LONRF2: variants seen among roughly 807,000 people sequenced by gnomAD.
LONRF2 encodes the protein LON peptidase N-terminal domain and ring finger 2.
LONRF2 carries 35 observed loss-of-function variants against 66.6 expected under a neutral mutation model. That is an observed-to-expected ratio of 0.53 (90% CI 0.40 to 0.70). The LOEUF is 0.70. Among genes scored for constraint, LONRF2 ranks in the 30% least tolerant of loss-of-function variants. LONRF2 has a pLI of 0.00. For synonymous variants in LONRF2, 417 were observed against 418.1 expected (o/e 1.00, Z 0.03); for missense variants, 902 against 1,002.1 (o/e 0.90, Z 1.35).
At chr2:100,295,647 G>A in intron 7 of LONRF2, 94 bp from the exon 8 acceptor site, 1 of 1,291,304 alleles carries the variant, frequency 7.7e-7, no homozygotes, top group Non-Finnish European at 1.1e-6. Flanking sequence ...GTGGTGGGTG[G>A]GATCTCTGAG....
intron 1 of LONRF2, among the ~76,000 whole-genome samples, chr2:100,311,596 A>G (rs1179851970): frequency 6.6e-6 from 1 of 152,142 alleles, no homozygotes; most frequent in African/African-American, 2.4e-5. Flanking sequence ...ATGCTCTCAT[A>G]TTGCAATAAT....
chr2:100,303,654 A>G (rs2105728172), intron 2 of LONRF2, among the ~76,000 whole-genome samples: 1 of 152,294 alleles, frequency 6.6e-6, no homozygotes, highest in East Asian at 1.9e-4. Context: ...CAGCTTCCAC[A>G]GTTTCAGATG....
rs545513696 is a variant in LONRF2 at position 100,275,272 on chromosome 2, T to A, written c.*9026A>T. 1 of 152,402 alleles carries A rather than the reference T, an allele frequency of 6.6e-6. No individual in the cohort carries two copies. The highest frequency in any genetic ancestry group is 2.4e-5 in the African/African-American group (1 of 41,554). The allele number at this position is 152,402 out of a possible 1,614,324, so 9.4% of individuals were successfully genotyped here. On this transcript the variant is annotated 3_prime_UTR_variant, in exon 12 of 12. Transcript: ENST00000393437. ...ATTCCCTACCTGGACATACCTACTT[T>A]CTTGGCTGGTGGTCTCAGGGCAATG...
In LONRF2 at chr2:100,309,174, A is replaced by G. The variant is rs1381521886; in HGVS notation, c.731T>C (p.Met244Thr). The G allele has an allele frequency of 6.2e-7, 1 of 1,609,698 alleles. No individual in the cohort carries two copies. The highest frequency in any genetic ancestry group is 2.2e-5 in the East Asian group (1 of 44,702). ...TTGGAGAGCTTGCTCATAGTTCTTCATGGTCAAATATAACTCCGCCCGCAG... is the reference window on the plus strand; with the variant it reads ...TTGGAGAGCTTGCTCATAGTTCTTCGTGGTCAAATATAACTCCGCCCGCAG... ...LLLRAELYLT[M>T]KNYEQALQDA... The change falls in exon 2 of 12, where the codon ATG becomes ACG. Residue 244 changes from methionine to threonine, a missense_variant. Physicochemically the swap from Met to Thr is moderately conservative, Grantham distance 81. This residue lies in a region of LONRF2 where 585 missense variants were observed against 569.9 expected (regional missense o/e 1.03). Transcript: ENST00000393437.
intron 7 of LONRF2, among the ~76,000 whole-genome samples, chr2:100,297,323 G>A (rs1185571126): frequency 6.6e-6 from 1 of 151,318 alleles, no homozygotes; most frequent in Non-Finnish European, 1.5e-5. Context: ...TTTTTTAGTA[G>A]AGACGGGGTT....
intron 8 of LONRF2, among the ~76,000 whole-genome samples, chr2:100,294,809 A>G (rs927622068): frequency 6.6e-6 from 1 of 152,178 alleles, no homozygotes; most frequent in Non-Finnish European, 1.5e-5. Context: ...GTGATTCGCA[A>G]TCCTGGGTAT....
intron 9 of LONRF2, among the ~76,000 whole-genome samples, chr2:100,293,323 A>C (rs1674999983): frequency 6.6e-6 from 1 of 152,216 alleles, no homozygotes; most frequent in African/African-American, 2.4e-5. Context: ...TTTTAAAAAG[A>C]TCTGTCCCTA....
At chr2:100,285,190 C>T (rs895636815) in intron 11 of LONRF2, among the ~76,000 whole-genome samples, 2 of 152,088 alleles carry the variant, frequency 1.3e-5, no homozygotes, top group African/African-American at 4.8e-5. Flanking sequence ...CAAAAATGTG[C>T]AGGATGCCGA....
At chr2:100,288,566 C>T (rs141238747) in intron 10 of LONRF2, among the ~76,000 whole-genome samples, 732 of 152,316 alleles carry the variant, frequency 4.8e-3, no homozygotes, top group Non-Finnish European at 7.7e-3. Context: ...ACCAGTCTGA[C>T]CATCACCCAA....
Position 100,321,480 on chromosome 2 carries a change from C to A in LONRF2, c.614G>T (p.Arg205Leu). Residue 205 changes from arginine (R) to leucine (L), a missense_variant, in exon 1 of 12, where the codon CGG becomes CTG. By Grantham distance (102) the Arg-to-Leu change is moderately radical. Transcript: ENST00000393437. ...CGGCTGCTGCTGGCGCTGCAGGCTCCGCGCCTGGCCTGCCAGCCTGCGCAG... is the reference window on the plus strand; with the variant it reads ...CGGCTGCTGCTGGCGCTGCAGGCTCAGCGCCTGGCCTGCCAGCCTGCGCAG... ...CRLRRLAGQARSLQRQQQPEA... is the reference protein window; with the variant it reads ...CRLRRLAGQALSLQRQQQPEA... 1 of 1,517,320 alleles carries A rather than the reference C, an allele frequency of 6.6e-7. No homozygotes were observed. The highest frequency in any genetic ancestry group is 8.7e-7 in the Non-Finnish European group (1 of 1,144,354). The allele number at this position is 1,517,320 out of a possible 1,614,324, so 94.0% of individuals were successfully genotyped here.
intron 3 of LONRF2, 112 bp downstream of exon 3, chr2:100,302,809 C>A (rs780903320): frequency 6.3e-6 from 7 of 1,106,616 alleles, no homozygotes; most frequent in Non-Finnish European, 7.3e-6. Context: ...TGCATTATCA[C>A]GAACATTCAG....
intron 4 of LONRF2, among the ~76,000 whole-genome samples, chr2:100,300,122 C>T (rs1292680330): frequency 2.0e-5 from 3 of 151,944 alleles, no homozygotes; most frequent in South Asian, 4.2e-4. Context: ...CTTCCTGAGC[C>T]AGGGCAAGTG....
At chr2:100,300,066 T>G in intron 4 of LONRF2, 148 bp from the exon 5 acceptor site, 1 of 602,384 alleles carries the variant, frequency 1.7e-6, no homozygotes, top group South Asian at 2.1e-5. Flanking sequence ...TCTGTTAATT[T>G]CTAAGATGAG....
chr2:100,296,003 GT>G (rs141671902), intron 7 of LONRF2, among the ~76,000 whole-genome samples: 5 of 152,130 alleles, frequency 3.3e-5, no homozygotes, highest in Non-Finnish European at 7.4e-5. Flanking sequence ...CCAACATTAT[GT>G]TTTTTTCTAG....
rs1290516972 is a variant in LONRF2, at chr2:100,302,929, C to T, written c.913G>A (p.Ala305Thr). The T allele has an allele frequency of 6.2e-7, 1 of 1,600,118 alleles. No homozygotes were observed. The highest frequency in any genetic ancestry group is 1.1e-5 in the South Asian group (1 of 88,308). The change falls in exon 3 of 12, where the codon GCA (alanine) becomes ACA (threonine). Residue 305 changes from alanine to threonine, a missense_variant. By Grantham distance (58) the Ala-to-Thr change is moderately conservative. Transcript: ENST00000393437. ...NPECNSVKKE[A>T]QKVMCEVLFS... Reference sequence around the variant, plus strand: ...TTTAACAGAACTCATACCTTCTGTGCTTCTTTCTTCACAGAGTTACATTCA... The same window carrying T: ...TTTAACAGAACTCATACCTTCTGTGTTTCTTTCTTCACAGAGTTACATTCA...
At chr2:100,304,625 G>GTTTTTTTTT (rs3039612) in intron 2 of LONRF2, among the ~76,000 whole-genome samples, 3 of 122,004 alleles carry the variant, frequency 2.5e-5, no homozygotes, top group Admixed American at 9.1e-5. Flanking sequence ...TTAGTTGACT[G>GTTTTTTTTT]TTTTTTTTTT....
rs1460766480 is a variant in LONRF2, at chr2:100,273,826, T to C, written c.*10472A>G. On this transcript the variant is annotated 3_prime_UTR_variant, in exon 12 of 12. Coordinates refer to ENST00000393437, the MANE Select transcript of LONRF2 (RefSeq NM_198461.4). The stretch of plus-strand genomic sequence containing the variant: ...TCATTTCACAACTCTAAAATTAAGA[T>C]GCTAATGACACCACTCTCCACTAGC... 1.3e-5 allele frequency: 2 copies of C among 152,202 alleles called. No individual in the cohort carries two copies. Among genetic ancestry groups the C allele is most frequent in the Admixed American group, 1.3e-4 (2 of 15,278 alleles). The allele number at this position is 152,202 out of a possible 1,614,324, so 9.4% of individuals were successfully genotyped here. A position where few individuals can be genotyped will look rare whatever the true frequency, so the allele number is the denominator to read the frequency against.
chr2:100,291,566 T>C (rs1674960306), intron 9 of LONRF2, among the ~76,000 whole-genome samples: 1 of 152,030 alleles, frequency 6.6e-6, no homozygotes, highest in Admixed American at 6.6e-5. Context: ...TATCCTACCG[T>C]TCCATTAAAA....
intron 7 of LONRF2, among the ~76,000 whole-genome samples, chr2:100,295,820 A>T (rs1252064635): frequency 6.6e-6 from 1 of 152,194 alleles, no homozygotes; most frequent in Non-Finnish European, 1.5e-5. Flanking sequence ...AAGTGCCATG[A>T]TGTTGGTGAG....
Sources: allele counts gnomAD v4.1 joint callset (sites outside exome capture counted in the v4.1 genomes callset), GRCh38; gene constraint gnomAD v4.1.1; regional missense constraint gnomAD v4.1.1; transcripts MANE v1.5; gene names NCBI Gene and HGNC (gene_info 2026-07-23, HGNC 2026-07-21).